Variants in SYNE2 observed in about 807,000 individuals in gnomAD.
SYNE2 encodes the protein nesprin-2.
In SYNE2, 431 loss-of-function variants were observed where a neutral mutation model predicts 856.3. The observed-to-expected ratio is 0.50, with a 90% CI of 0.47 to 0.55. SYNE2 has a LOEUF of 0.55. Among genes scored for constraint, SYNE2 ranks in the 20% least tolerant of loss-of-function variants. SYNE2 has a pLI of 0.00. For missense variants in SYNE2, 8,129 were observed against 8,023.2 expected (o/e 1.01, Z -0.50); for synonymous variants, 2,923 against 2,872.3 (o/e 1.02, Z -0.56).
At position 64,003,294 on chromosome 14, in the gene SYNE2, G is replaced by T; in HGVS notation, c.4361G>T (p.Gly1454Val). Reference sequence around the variant, plus strand: ...GTGCAGAGTCAAATCAGTAAAATTGGTCTTAAGGATCCTACTGTTCCAGCT... The same window carrying T: ...GTGCAGAGTCAAATCAGTAAAATTGTTCTTAAGGATCCTACTGTTCCAGCT... ...QDVQSQISKI[G>V]LKDPTVPAVK... The change falls in exon 30 of 116, where the codon GGT becomes GTT. Residue 1454 changes from glycine (G) to valine (V), a missense_variant. This residue lies in a region of SYNE2 where 2,422 missense variants were observed against 2,357.4 expected (regional missense o/e 1.03). Coordinates refer to ENST00000555002, the MANE Select transcript of SYNE2 (RefSeq NM_182914.3). 6.2e-7 allele frequency: 1 copy of T among 1,614,068 alleles called. No homozygotes were observed. The highest frequency in any genetic ancestry group is 8.5e-7 in the Non-Finnish European group (1 of 1,180,006).
intron 93 of SYNE2, 60 bp downstream of exon 93, chr14:64,169,031 G>C: frequency 7.4e-7 from 1 of 1,350,516 alleles, no homozygotes; most frequent in Non-Finnish European, 1.1e-6. Flanking sequence ...ATTCAGTCAG[G>C]GCAGGCTTTC....
chr14:63,887,110 G>A (rs570065587), intron 1 of SYNE2, among the ~76,000 whole-genome samples: 99 of 152,120 alleles, frequency 6.5e-4, no homozygotes, highest in Middle Eastern at 3.4e-3. Context: ...GTGAAACCCC[G>A]TCTCTACTAA....
chr14:63,997,185 C>A, intron 24 of SYNE2, 27 bp downstream of exon 24: 1 of 1,605,800 alleles, frequency 6.2e-7, no homozygotes, highest in East Asian at 2.2e-5. Flanking sequence ...AATAGCTACC[C>A]TTCAGGATAA....
intron 19 of SYNE2, 67 bp from the exon 20 acceptor site, chr14:63,990,344 G>A: frequency 6.6e-7 from 1 of 1,511,978 alleles, no homozygotes; most frequent in East Asian, 2.3e-5. Flanking sequence ...TCCTGAGATT[G>A]TTTTGATTAA....
chr14:64,067,466 A>G (rs2097366349), intron 51 of SYNE2, among the ~76,000 whole-genome samples: 1 of 152,222 alleles, frequency 6.6e-6, no homozygotes, highest in Non-Finnish European at 1.5e-5. Flanking sequence ...TCAAATTGAT[A>G]TAAGATTTTA....
chr14:63,855,371 A>G (rs1595197174), intron 1 of SYNE2, among the ~76,000 whole-genome samples: 2 of 152,130 alleles, frequency 1.3e-5, no homozygotes, highest in African/African-American at 4.8e-5. Flanking sequence ...AATGGCAAAG[A>G]CCTGACAGTG....
intron 1 of SYNE2, among the ~76,000 whole-genome samples, chr14:63,798,704 A>T (rs1312041625): frequency 6.6e-6 from 1 of 151,948 alleles, no homozygotes; most frequent in African/African-American, 2.4e-5. Flanking sequence ...TGAAAACCTT[A>T]CTTTAATCTC....
intron 1 of SYNE2, among the ~76,000 whole-genome samples, chr14:63,783,544 G>C (rs4480718): frequency 0.63 from 95,729 of 151,956 alleles, 30,608 homozygotes; most frequent in South Asian, 0.75. Context: ...CGGTCTCGGA[G>C]ACTTCTTTAT....
intron 2 of SYNE2, among the ~76,000 whole-genome samples, chr14:63,922,563 G>A (rs1269135867): frequency 6.6e-6 from 1 of 152,148 alleles, no homozygotes; most frequent in Non-Finnish European, 1.5e-5. Flanking sequence ...AGCACTGTGG[G>A]AGGATAGCTT....
At chr14:63,962,501 G>A (rs2096333372) in intron 9 of SYNE2, among the ~76,000 whole-genome samples, 1 of 152,244 alleles carries the variant, frequency 6.6e-6, no homozygotes, top group African/African-American at 2.4e-5. Context: ...TCTAATTTGA[G>A]CACATTTCCG....
chr14:64,174,050 C>T (rs61987298), intron 94 of SYNE2: 10,513 of 588,082 alleles, frequency 0.018, 112 homozygotes, highest in African/African-American at 0.037. Context: ...TAAAAATAAA[C>T]AAGACCTTGT....
At position 64,211,947 on chromosome 14, in the gene SYNE2, C is replaced by A. The variant is rs1294405956; in HGVS notation, c.18724-14C>A. On this transcript the variant is annotated splice_polypyrimidine_tract_variant and intron_variant, in intron 103 of 115. Coordinates refer to ENST00000555002, the MANE Select transcript of SYNE2 (RefSeq NM_182914.3). ...GTGGTCAGTAGAAATGTGATTTCCT[C>A]CCCACTTTTGCAGCATTTCACCAAC... The A allele has an allele frequency of 5.6e-6, 9 of 1,613,954 alleles. No individual in the cohort carries two copies. Among genetic ancestry groups the A allele is most frequent in the Non-Finnish European group, 6.8e-6 (8 of 1,179,984 alleles).
chr14:63,844,421 C>T (rs1390960574), intron 1 of SYNE2, among the ~76,000 whole-genome samples: 2 of 152,202 alleles, frequency 1.3e-5, no homozygotes, highest in Non-Finnish European at 2.9e-5. Context: ...CATTTACTTA[C>T]TGAAGGACAT....
At chr14:63,972,298 C>G (rs1258238469) in intron 11 of SYNE2, among the ~76,000 whole-genome samples, 1 of 152,014 alleles carries the variant, frequency 6.6e-6, no homozygotes, top group Non-Finnish European at 1.5e-5. Flanking sequence ...AGAGACCTGG[C>G]CTGATTTTGT....
chr14:64,063,502 G>A (rs2097333542), intron 50 of SYNE2, among the ~76,000 whole-genome samples: 1 of 152,198 alleles, frequency 6.6e-6, no homozygotes. Context: ...ATGTGACTTT[G>A]AGGGATACTG....
At chr14:64,087,321 C>G (rs954128654) in intron 57 of SYNE2, 1 of 460,226 alleles carries the variant, frequency 2.2e-6, no homozygotes, top group Non-Finnish European at 4.3e-6. Context: ...CATTAGGTGG[C>G]TGAGCTATTT....
chr14:64,183,344 C>T (rs1447489106), intron 96 of SYNE2, among the ~76,000 whole-genome samples: 4 of 151,644 alleles, frequency 2.6e-5, no homozygotes, highest in East Asian at 1.9e-4. Flanking sequence ...GCGCTCCCCA[C>T]ATCTCAGACG....
At chr14:64,029,789 T>G in intron 43 of SYNE2, 106 bp from the exon 44 acceptor site, 2 of 1,334,572 alleles carry the variant, frequency 1.5e-6, no homozygotes, top group African/African-American at 1.4e-5. Flanking sequence ...TATTCCTGTT[T>G]CAAGATGAAA....
intron 1 of SYNE2, among the ~76,000 whole-genome samples, chr14:63,839,172 G>T (rs1889962068): frequency 1.3e-5 from 2 of 152,042 alleles, no homozygotes; most frequent in Admixed American, 6.6e-5. Flanking sequence ...TGGGACTACA[G>T]TCATGTGCCA....
Sources: gnomAD v4.1 joint callset for allele counts (sites outside exome capture counted in the v4.1 genomes callset) on GRCh38, gnomAD v4.1.1 for gene constraint, gnomAD v4.1.1 regional missense constraint, MANE v1.5 for transcripts, NCBI Gene and HGNC (gene_info 2026-07-23, HGNC 2026-07-21) for gene names.